OTUD7B: variants seen among roughly 807,000 people sequenced by gnomAD.
The protein encoded by OTUD7B is OTU deubiquitinase 7B, also known as OTU domain-containing protein 7B.
A neutral mutation model predicts 82.2 loss-of-function variants in OTUD7B; 34 were observed. The ratio of observed to expected loss-of-function variants is 0.41; its 90% CI spans 0.31 to 0.55. The LOEUF is 0.55. OTUD7B is among the 20% of genes least tolerant of loss of function. OTUD7B has a pLI of 0.20. For missense variants in OTUD7B, 944 were observed against 1,062.1 expected (o/e 0.89, Z 1.55); for synonymous variants, 398 against 402.7 (o/e 0.99, Z 0.14).
At chr1:150,017,230 C>T in the OTUD7B span, among the ~76,000 whole-genome samples, 1 of 152,176 alleles carries the variant, frequency 6.6e-6, no homozygotes, top group African/African-American at 2.4e-5. Flanking sequence ...AAGAAAATCC[C>T]TGCCTCCAGG....
chr1:149,999,270 G>A (rs1381657310), intron 1 of OTUD7B, among the ~76,000 whole-genome samples: 1 of 152,206 alleles, frequency 6.6e-6, no homozygotes, highest in East Asian at 1.9e-4. Flanking sequence ...AGGACACCTT[G>A]TGCCAAATAG....
chr1:150,029,738 C>T, the OTUD7B span, among the ~76,000 whole-genome samples: 2 of 152,198 alleles, frequency 1.3e-5, no homozygotes, highest in African/African-American at 4.8e-5. Flanking sequence ...TTCAGTAACT[C>T]ACCCTAGGTC....
chr1:149,984,270 G>A (rs1193619817), intron 1 of OTUD7B, among the ~76,000 whole-genome samples: 1 of 151,914 alleles, frequency 6.6e-6, no homozygotes, highest in Admixed American at 6.6e-5. Flanking sequence ...CAAAGCAAGA[G>A]GGGTTCCTTT....
chr1:150,027,746 T>G, the OTUD7B span, among the ~76,000 whole-genome samples: 1 of 152,278 alleles, frequency 6.6e-6, no homozygotes, highest in South Asian at 2.1e-4. Flanking sequence ...AAAGTGTATT[T>G]TCTTAAAATT....
chr1:149,969,002 C>T lies in OTUD7B; in HGVS notation c.275-1481G>A, dbSNP rs369745491. 1.6e-3 allele frequency among the ~76,000 whole-genome samples: 250 copies of T among 152,230 alleles called. 2 individuals carry two copies. The South Asian group carries it at 0.029, about 18-fold the overall frequency. On this transcript the variant is annotated intron_variant, in intron 3 of 11. Transcript: ENST00000581312. ...AAAGTGCTGGGATTACAGGCGTGAG[C>T]CACCACACCCACCTTAAAAATATTT...
At chr1:150,066,510 G>A in the OTUD7B span, among the ~76,000 whole-genome samples, 21 of 152,138 alleles carry the variant, frequency 1.4e-4, no homozygotes, top group South Asian at 3.1e-3. The surrounding 1 kb of genome is among the most constrained non-coding windows in gnomAD (Gnocchi z 4.6). Flanking sequence ...CTCCCTTAAG[G>A]GATTTGAGAA....
At chr1:149,962,900 C>T (rs1002203201) in intron 6 of OTUD7B, 4 of 152,298 alleles carry the variant, frequency 2.6e-5, no homozygotes, top group East Asian at 1.9e-4. Flanking sequence ...AAGCTTTCCA[C>T]GAGATCCAGC....
chr1:150,043,911 G>A, the OTUD7B span, among the ~76,000 whole-genome samples: 1 of 152,072 alleles, frequency 6.6e-6, no homozygotes, highest in Non-Finnish European at 1.5e-5. Flanking sequence ...TTGAGCCCAG[G>A]AGTTCAAGAC....
At chr1:150,001,392 G>A (rs1173490906) in intron 1 of OTUD7B, among the ~76,000 whole-genome samples, 2 of 152,204 alleles carry the variant, frequency 1.3e-5, no homozygotes, top group African/African-American at 4.8e-5. Context: ...GACTTGTTCA[G>A]TTTTAGACTG....
intron 7 of OTUD7B, among the ~76,000 whole-genome samples, chr1:149,957,782 A>C (rs1648799020): frequency 1.3e-5 from 2 of 152,168 alleles, no homozygotes; most frequent in African/African-American, 4.8e-5. Flanking sequence ...GTTCTATCTC[A>C]GACTGCTGTG....
chr1:150,023,268 T>C, the OTUD7B span, among the ~76,000 whole-genome samples: 1 of 152,116 alleles, frequency 6.6e-6, no homozygotes, highest in African/African-American at 2.4e-5. Context: ...TACCATAAAA[T>C]CCAGCAATTC....
chr1:150,000,697 G>C (rs997734329), intron 1 of OTUD7B, among the ~76,000 whole-genome samples: 1 of 151,912 alleles, frequency 6.6e-6, no homozygotes, highest in South Asian at 2.1e-4. Flanking sequence ...ACATATGTGG[G>C]ACCAGGCATG....
the OTUD7B span, among the ~76,000 whole-genome samples, chr1:150,021,756 T>G: frequency 6.6e-6 from 1 of 152,216 alleles, no homozygotes; most frequent in Non-Finnish European, 1.5e-5. Flanking sequence ...ACAAGATTTA[T>G]GAAGCATATA....
intron 7 of OTUD7B, among the ~76,000 whole-genome samples, chr1:149,956,174 G>A (rs1044152414): frequency 2.6e-5 from 4 of 152,128 alleles, no homozygotes; most frequent in Admixed American, 6.6e-5. Flanking sequence ...GGCTGGTATC[G>A]GTTGTTCCTT....
At chr1:150,046,935 G>C in the OTUD7B span, among the ~76,000 whole-genome samples, 1 of 151,970 alleles carries the variant, frequency 6.6e-6, no homozygotes, top group African/African-American at 2.4e-5. Flanking sequence ...ATTGGACATG[G>C]TGGCAGGTGC....
chr1:149,985,305 G>A (rs1443459210), intron 1 of OTUD7B, among the ~76,000 whole-genome samples: 1 of 152,184 alleles, frequency 6.6e-6, no homozygotes, highest in Non-Finnish European at 1.5e-5. Flanking sequence ...CTACTCGGGA[G>A]GCTGAGGCAG....
At chr1:150,060,863 A>G in the OTUD7B span, among the ~76,000 whole-genome samples, 1 of 152,176 alleles carries the variant, frequency 6.6e-6, no homozygotes, top group African/African-American at 2.4e-5. Context: ...CATGCTAGAA[A>G]TAACCACTAA....
At chr1:149,948,890 G>GA in intron 10 of OTUD7B, 79 bp downstream of exon 10, 1 of 972,908 alleles carries the variant, frequency 1.0e-6, no homozygotes, top group Non-Finnish European at 1.7e-6. Context: ...CTGAGCTGAG[G>GA]AAAAATCCCT....
At chr1:150,026,993 A>G in the OTUD7B span, among the ~76,000 whole-genome samples, 1 of 152,266 alleles carries the variant, frequency 6.6e-6, no homozygotes, top group Non-Finnish European at 1.5e-5. Context: ...AAGCTATACT[A>G]TATTCATAAT....
Sources: allele counts gnomAD v4.1 joint callset (sites outside exome capture counted in the v4.1 genomes callset), GRCh38; gene constraint gnomAD v4.1.1; non-coding constraint Gnocchi (gnomAD v3.1); transcripts MANE v1.5; gene names NCBI Gene and HGNC (gene_info 2026-07-23, HGNC 2026-07-21).